Variants in SKIL observed in about 807,000 individuals in gnomAD.
SKIL encodes the protein SKI like proto-oncogene.
In SKIL, 20 loss-of-function variants were observed where a neutral mutation model predicts 69.6. The ratio of observed to expected loss-of-function variants is 0.29; its 90% CI spans 0.20 to 0.42. The LOEUF (loss-of-function observed/expected upper bound fraction) is 0.42, where lower values mean the gene tolerates loss of function less well. Among genes scored for constraint, SKIL ranks in the 10% least tolerant of loss-of-function variants. SKIL has a pLI of 1.00. For missense variants in SKIL, 745 were observed against 783.1 expected (o/e 0.95, Z 0.58); for synonymous variants, 310 against 279.9 (o/e 1.11, Z -1.08).
Position 170,391,079 on chromosome 3 carries a change from C to G in SKIL, c.1715C>G (p.Thr572Ser). Reference sequence around the variant, plus strand: ...AGTTCAAAATCTATGAAGGAACTCACTGAAGAACAGCAGAATTTACAGAAA... The same window carrying G: ...AGTTCAAAATCTATGAAGGAACTCAGTGAAGAACAGCAGAATTTACAGAAA... Reference protein sequence around the residue: ...LSSSKSMKELTEEQQNLQKEL... With the variant: ...LSSSKSMKELSEEQQNLQKEL... Residue 572 changes from threonine to serine, a missense_variant, in exon 6 of 7, where the codon ACT (threonine) becomes AGT (serine). Coordinates refer to ENST00000259119, the MANE Select transcript of SKIL (RefSeq NM_005414.5). 4 of 1,606,552 alleles carry G rather than the reference C, an allele frequency of 2.5e-6. No individual in the cohort carries two copies. The highest frequency in any genetic ancestry group is 3.4e-6 in the Non-Finnish European group (4 of 1,173,542).
intron 6 of SKIL, among the ~76,000 whole-genome samples, 185 bp from the exon 7 acceptor site, chr3:170,392,074 G>C (rs896908455): frequency 6.6e-6 from 1 of 152,114 alleles, no homozygotes; most frequent in Non-Finnish European, 1.5e-5. Flanking sequence ...TTGTTCCTTT[G>C]CTTTTTCTTA....
intron 2 of SKIL, among the ~76,000 whole-genome samples, chr3:170,369,992 A>G (rs893427008): frequency 1.3e-5 from 2 of 151,700 alleles, no homozygotes; most frequent in African/African-American, 2.4e-5. Context: ...TAGTCCCAGC[A>G]CTTTTGGGAG....
At chr3:170,373,145 C>T (rs1433688905) in intron 2 of SKIL, among the ~76,000 whole-genome samples, 1 of 151,594 alleles carries the variant, frequency 6.6e-6, no homozygotes, top group Non-Finnish European at 1.5e-5. Context: ...TACAGGCGTG[C>T]ACCACCAGGC....
chr3:170,360,803 C>A lies in SKIL; in HGVS notation c.472C>A (p.Gln158Lys), dbSNP rs1466356596. The change falls in exon 2 of 7, where the codon CAA becomes AAA. Residue 158 changes from glutamine to lysine, a missense_variant. Physicochemically the swap from Gln to Lys is moderately conservative, Grantham distance 53. Transcript: ENST00000259119. ...VLEGESISCFQVGGEKRLCLP... is the reference protein window; with the variant it reads ...VLEGESISCFKVGGEKRLCLP... ...GGAAGGGGAATCTATTTCTTGTTTTCAAGTTGGAGGAGAAAAGAGACTCTG... is the reference window on the plus strand; with the variant it reads ...GGAAGGGGAATCTATTTCTTGTTTTAAAGTTGGAGGAGAAAAGAGACTCTG... The A allele has an allele frequency of 6.2e-7, 1 of 1,614,150 alleles. No individual in the cohort carries two copies. The highest frequency in any genetic ancestry group is 2.2e-5 in the East Asian group (1 of 44,884).
At chr3:170,377,617 C>T (rs1192731245) in intron 2 of SKIL, among the ~76,000 whole-genome samples, 13 of 136,274 alleles carry the variant, frequency 9.5e-5, no homozygotes, top group Middle Eastern at 4.6e-3. Context: ...GGCACGATCT[C>T]GGCTCACTGC....
chr3:170,360,239 C>G lies in SKIL; in HGVS notation c.-93C>G. 1 of 1,198,374 alleles carries G rather than the reference C, an allele frequency of 8.3e-7. No homozygotes were observed. The highest frequency in any genetic ancestry group is 1.2e-6 in the Non-Finnish European group (1 of 859,488). 74.2% of individuals were successfully genotyped at this position (1,198,374 alleles called of 1,614,324 possible). A position where few individuals can be genotyped will look rare whatever the true frequency, so the allele number is the denominator to read the frequency against. ...AAGTTTGAGAGTAAGTTACGATAGG[C>G]ATTTGTATCCATTCATTACTTTCCT... On this transcript the variant is annotated 5_prime_UTR_variant, in exon 2 of 7. Transcript: ENST00000259119.
At position 170,360,575 on chromosome 3, in the gene SKIL, T is replaced by G; in HGVS notation, c.244T>G (p.Leu82Val). 1 of 1,614,224 alleles carries G rather than the reference T, an allele frequency of 6.2e-7. No homozygotes were observed. The highest frequency in any genetic ancestry group is 8.5e-7 in the Non-Finnish European group (1 of 1,180,050). The change falls in exon 2 of 7, where the codon TTA becomes GTA. Residue 82 changes from leucine (L) to valine (V), a missense_variant. By Grantham distance (32) the Leu-to-Val change is conservative. Transcript: ENST00000259119. Reference sequence around the variant, plus strand: ...TACTTCTGTTCCTGAAACTTTGCATTTAAATCCCAGTTTGAAACACACATT... The same window carrying G: ...TACTTCTGTTCCTGAAACTTTGCATGTAAATCCCAGTTTGAAACACACATT... ...TCTSVPETLH[L>V]NPSLKHTLAQ... is the part of the protein sequence containing the mutation.
At chr3:170,361,607 CTCATTTG>C (rs1477093415) in intron 2 of SKIL, among the ~76,000 whole-genome samples, 178 bp downstream of exon 2, 1 of 152,154 alleles carries the variant, frequency 6.6e-6, no homozygotes. Flanking sequence ...AGTATGTTTC[CTCATTTG>C]ACTTTCCAAA....
chr3:170,372,330 T>C (rs1736835310), intron 2 of SKIL, among the ~76,000 whole-genome samples: 1 of 152,238 alleles, frequency 6.6e-6, no homozygotes, highest in Non-Finnish European at 1.5e-5. Context: ...TAAAATTGGC[T>C]TTGTGAGGTA....
chr3:170,363,790 A>C (rs182717986), intron 2 of SKIL, among the ~76,000 whole-genome samples: 1 of 152,138 alleles, frequency 6.6e-6, no homozygotes, highest in African/African-American at 2.4e-5. Context: ...CGGCCTATTA[A>C]CTAATTTTAA....
chr3:170,370,358 A>G (rs1736740778), intron 2 of SKIL, among the ~76,000 whole-genome samples: 2 of 150,156 alleles, frequency 1.3e-5, no homozygotes, highest in Non-Finnish European at 3.0e-5. Flanking sequence ...CATGACTTCT[A>G]GACTTAAGAG....
intron 4 of SKIL, 177 bp downstream of exon 4, chr3:170,384,942 T>C (rs1178200325): frequency 2.0e-6 from 1 of 494,230 alleles, no homozygotes; most frequent in East Asian, 3.3e-5. Flanking sequence ...GCTATACTTT[T>C]CTAGCGTGGT....
intron 2 of SKIL, among the ~76,000 whole-genome samples, chr3:170,377,654 TTC>T (rs1224195679): frequency 2.0e-5 from 3 of 148,982 alleles, no homozygotes; most frequent in Admixed American, 6.7e-5. Flanking sequence ...GTTCAAGCGA[TTC>T]TCCTGCCTCA....
chr3:170,368,733 CAG>C (rs1736660607), intron 2 of SKIL, among the ~76,000 whole-genome samples: 1 of 152,056 alleles, frequency 6.6e-6, no homozygotes, highest in African/African-American at 2.4e-5. Context: ...TTTTTTTACA[CAG>C]TAATTACAGT....
At chr3:170,363,989 C>T (rs1212094957) in intron 2 of SKIL, among the ~76,000 whole-genome samples, 3 of 151,766 alleles carry the variant, frequency 2.0e-5, no homozygotes, top group African/African-American at 4.8e-5. Flanking sequence ...CTTGCTCTGT[C>T]GCCGAGGCTG....
chr3:170,359,170 A>G (rs1736090036), intron 1 of SKIL, among the ~76,000 whole-genome samples: 1 of 152,184 alleles, frequency 6.6e-6, no homozygotes, highest in Admixed American at 6.5e-5. Context: ...CTTTTATGTT[A>G]TATTATTGCT....
chr3:170,390,965 T>A, intron 5 of SKIL, 71 bp from the exon 6 acceptor site: 1 of 783,062 alleles, frequency 1.3e-6, no homozygotes, highest in Non-Finnish European at 2.1e-6. Context: ...CTGTGCTATG[T>A]TTTCCAGAAC....
intron 3 of SKIL, among the ~76,000 whole-genome samples, chr3:170,384,186 T>TA (rs1053276336): frequency 2.7e-4 from 41 of 150,544 alleles, no homozygotes; most frequent in South Asian, 8.4e-4. Flanking sequence ...ACCCTATCTC[T>TA]AAAAAAAAAT....
chr3:170,377,918 G>A (rs998848435), intron 2 of SKIL, among the ~76,000 whole-genome samples: 52 of 150,756 alleles, frequency 3.4e-4, no homozygotes, highest in African/African-American at 1.2e-3. Flanking sequence ...TTTTGAGACA[G>A]AGTCTTGCTC....
Sources: allele counts gnomAD v4.1 joint callset (sites outside exome capture counted in the v4.1 genomes callset), GRCh38; gene constraint gnomAD v4.1.1; transcripts MANE v1.5; gene names NCBI Gene and HGNC (gene_info 2026-07-23, HGNC 2026-07-21).